The following XIRP2 variants were observed in gnomAD, a reference collection of about 807,000 sequenced individuals.
XIRP2 encodes the protein xin actin-binding repeat-containing protein 2.
A neutral mutation model predicts 277.0 loss-of-function variants in XIRP2; 236 were observed. The observed-to-expected ratio is 0.85, with a 90% confidence interval of 0.77 to 0.95. XIRP2 has a LOEUF of 0.95. XIRP2 is among the 40% of genes least tolerant of loss of function. XIRP2 has a pLI of 0.00. For missense variants in XIRP2, 4,640 were observed against 4,157.5 expected (o/e 1.12, Z -3.19); for synonymous variants, 1,490 against 1,416.5 (o/e 1.05, Z -1.17).
At chr2:167,204,471 G>T (rs1250462866) in intron 3 of XIRP2, among the ~76,000 whole-genome samples, 1 of 152,178 alleles carries the variant, frequency 6.6e-6, no homozygotes, top group Non-Finnish European at 1.5e-5. Context: ...GGGCCAGATT[G>T]CTGAGCTTCC....
rs777730870 is a variant in XIRP2, at chr2:167,243,101, T to A, written c.1709T>A (p.Leu570Gln). 18 of 1,614,092 alleles carry A rather than the reference T, an allele frequency of 1.1e-5. 1 individual carries two copies. In the South Asian group the frequency reaches 2.0e-4, roughly 18 times the overall value. ...GAATACTTGGAATGGGATGAAATTC[T>A]GAAGGGAGAGGTGCAGTCCATTAGA... ...EREYLEWDEI[L>Q]KGEVQSIRWI... The change falls in exon 9 of 11, where the codon CTG (leucine) becomes CAG (glutamine). Residue 570 changes from leucine to glutamine, a missense_variant. Physicochemically the swap from Leu to Gln is moderately radical, Grantham distance 113 (BLOSUM62 -2). Transcript: ENST00000409195.
chr2:167,066,243 C>T (rs1443690320), intron 2 of XIRP2, among the ~76,000 whole-genome samples: 45 of 151,858 alleles, frequency 3.0e-4, no homozygotes, highest in Admixed American at 3.0e-3. Context: ...TTCCCTTCTC[C>T]TTGTTGCTCT....
intron 2 of XIRP2, among the ~76,000 whole-genome samples, chr2:167,027,223 A>G (rs758547307): frequency 2.6e-5 from 4 of 151,792 alleles, no homozygotes; most frequent in Non-Finnish European, 5.9e-5. Flanking sequence ...TTTTTTCTCT[A>G]AACTTCCCTC....
At chr2:167,222,542 A>T (rs1027970149) in intron 5 of XIRP2, among the ~76,000 whole-genome samples, 3 of 152,230 alleles carry the variant, frequency 2.0e-5, no homozygotes, top group African/African-American at 7.2e-5. Context: ...TAAGTCACTC[A>T]GCATATCTCC....
intron 2 of XIRP2, among the ~76,000 whole-genome samples, chr2:166,984,699 A>G: frequency 6.6e-6 from 1 of 152,184 alleles, no homozygotes; most frequent in East Asian, 1.9e-4. Context: ...AAATGAAGCA[A>G]AATGTGGTTC....
At chr2:167,103,600 G>A (rs1469940723) in intron 2 of XIRP2, among the ~76,000 whole-genome samples, 2 of 152,190 alleles carry the variant, frequency 1.3e-5, no homozygotes, top group African/African-American at 4.8e-5. Context: ...CTAGGCTACA[G>A]GAAAGTGGTT....
At chr2:166,895,528 T>C (rs1656785319) in intron 1 of XIRP2, among the ~76,000 whole-genome samples, 1 of 152,162 alleles carries the variant, frequency 6.6e-6, no homozygotes, top group Non-Finnish European at 1.5e-5. Flanking sequence ...TATATGTAAA[T>C]CAAAGTTTGC....
At chr2:167,176,721 G>C (rs1692857153) in intron 3 of XIRP2, among the ~76,000 whole-genome samples, 1 of 152,160 alleles carries the variant, frequency 6.6e-6, no homozygotes, top group Non-Finnish European at 1.5e-5. Flanking sequence ...CTACAGATTA[G>C]CTATGTATCA....
chr2:167,034,506 G>GA (rs202015976), intron 2 of XIRP2, among the ~76,000 whole-genome samples: 2,583 of 136,748 alleles, frequency 0.019, 147 homozygotes, highest in Admixed American at 0.12. Context: ...CAGAAAAAAA[G>GA]AAAAAAAAAA....
chr2:167,257,193 GCCTTGTGACTGTTGGTGGTTTCT>G (rs1304757884), intron 10 of XIRP2, among the ~76,000 whole-genome samples: 1 of 151,848 alleles, frequency 6.6e-6, no homozygotes, highest in East Asian at 1.9e-4. Flanking sequence ...CATCATGCTG[GCCTTGTGACTGTTGGTGGTTTCT>G]CCTTAGTTCT....
intron 6 of XIRP2, among the ~76,000 whole-genome samples, chr2:167,240,264 A>G (rs1178114940): frequency 6.6e-6 from 1 of 151,994 alleles, no homozygotes; most frequent in Non-Finnish European, 1.5e-5. Flanking sequence ...ATACAAAAAA[A>G]GTTAGCCAGG....
chr2:166,936,043 T>C (rs907438772), intron 2 of XIRP2, among the ~76,000 whole-genome samples: 4 of 152,200 alleles, frequency 2.6e-5, no homozygotes, highest in African/African-American at 9.6e-5. Context: ...GTAAAAGTGT[T>C]CCTATTTCTC....
Position 167,251,325 on chromosome 2 carries a change from A to T in XIRP2, c.9933A>T (p.Arg3311Ser). 6.2e-7 allele frequency: 1 copy of T among 1,613,646 alleles called. No individual in the cohort carries two copies. The highest frequency in any genetic ancestry group is 1.1e-5 in the South Asian group (1 of 91,084). ...VPPRLSEHTQRYEAANRTVQM... is the reference protein window; with the variant it reads ...VPPRLSEHTQSYEAANRTVQM... Reference sequence around the variant, plus strand: ...CTCGCCTGTCAGAGCACACACAGAGATATGAAGCGGCCAACCGAACTGTTC... The same window carrying T: ...CTCGCCTGTCAGAGCACACACAGAGTTATGAAGCGGCCAACCGAACTGTTC... Residue 3311 changes from arginine (R) to serine (S), a missense_variant, in exon 9 of 11, where the codon AGA (arginine) becomes AGT (serine). Physicochemically the swap from Arg to Ser is moderately radical, Grantham distance 110. Transcript: ENST00000409195.
intron 2 of XIRP2, among the ~76,000 whole-genome samples, chr2:166,966,547 A>T (rs892470769): frequency 6.6e-6 from 1 of 151,908 alleles, no homozygotes; most frequent in African/African-American, 2.4e-5. Context: ...ATACATAAAT[A>T]TCCTTTTTAC....
At position 167,250,081 on chromosome 2, in the gene XIRP2, A is replaced by C. The variant is rs199968327; in HGVS notation, c.8689A>C (p.Lys2897Gln). The change falls in exon 9 of 11, where the codon AAA becomes CAA. Residue 2897 changes from lysine (K) to glutamine (Q), a missense_variant. Physicochemically the swap from Lys to Gln is moderately conservative, Grantham distance 53. Coordinates refer to ENST00000409195, the MANE Select transcript of XIRP2 (RefSeq NM_152381.6). ...GCCATATAATAGTCTGCAGGAAGAA[A>C]AATGTCTCGAAGTCAAGGGCATACA... is the stretch of plus-strand genomic sequence containing the variant. ...PQPYNSLQEE[K>Q]CLEVKGIQEK... The C allele has an allele frequency of 6.4e-4, 1,031 of 1,613,562 alleles. 16 individuals carry two copies. In the South Asian group the frequency reaches 0.011, roughly 17 times the overall value.
chr2:167,233,165 A>ATC (rs1694807773), intron 5 of XIRP2, among the ~76,000 whole-genome samples: 1 of 151,940 alleles, frequency 6.6e-6, no homozygotes, highest in Non-Finnish European at 1.5e-5. Flanking sequence ...ATGCCTATAG[A>ATC]ATGCATTCTA....
At chr2:167,098,594 A>G (rs964856973) in intron 2 of XIRP2, among the ~76,000 whole-genome samples, 1 of 152,104 alleles carries the variant, frequency 6.6e-6, no homozygotes, top group African/African-American at 2.4e-5. Flanking sequence ...GCTGGTGAGG[A>G]ATTGTGATCC....
chr2:166,975,697 G>A (rs1178287788), intron 2 of XIRP2, among the ~76,000 whole-genome samples: 3 of 151,814 alleles, frequency 2.0e-5, no homozygotes, highest in African/African-American at 2.4e-5. Context: ...AGGCCAAGGC[G>A]GGCAGATCAC....
At chr2:167,034,737 A>C (rs747863529) in intron 2 of XIRP2, among the ~76,000 whole-genome samples, 4 of 152,230 alleles carry the variant, frequency 2.6e-5, no homozygotes, top group Non-Finnish European at 5.9e-5. Context: ...AAGAGTATAT[A>C]ACAATTTTAA....
Sources: gnomAD v4.1 joint callset for allele counts (sites outside exome capture counted in the v4.1 genomes callset) on GRCh38, gnomAD v4.1.1 for gene constraint, MANE v1.5 for transcripts, NCBI Gene and HGNC (gene_info 2026-07-23, HGNC 2026-07-21) for gene names.